CLEC6A: variants seen among roughly 807,000 people sequenced by gnomAD.
CLEC6A encodes the protein C-type lectin domain family 6 member A.
CLEC6A carries 22 observed loss-of-function variants against 25.7 expected under a neutral mutation model. The observed-to-expected ratio is 0.85, with a 90% CI of 0.61 to 1.22. The LOEUF is 1.22. CLEC6A is among the 50% of genes most tolerant of loss of function. The pLI is 0.00. For synonymous variants in CLEC6A, 92 were observed against 76.7 expected, an observed-to-expected ratio of 1.20 and a Z score of -1.04; for missense variants, 240 against 236.8, an observed-to-expected ratio of 1.01 and a Z score of -0.09.
chr12:8,457,706 C>G (rs1453008222), intron 1 of CLEC6A, among the ~76,000 whole-genome samples, 192 bp from the exon 2 acceptor site: 2 of 152,172 alleles, frequency 1.3e-5, no homozygotes, highest in Non-Finnish European at 1.5e-5. Flanking sequence ...GTATGTTTTA[C>G]CTGTATTCTT....
At chr12:8,460,940 G>A (rs1427597985) in intron 3 of CLEC6A, 14 of 874,396 alleles carry the variant, frequency 1.6e-5, no homozygotes, top group South Asian at 1.6e-4. Context: ...CGAGCTGGAT[G>A]CCACTGTGGG....
chr12:8,458,856 A>G (rs1005493519), intron 2 of CLEC6A, among the ~76,000 whole-genome samples: 1 of 152,206 alleles, frequency 6.6e-6, no homozygotes, highest in Non-Finnish European at 1.5e-5. Flanking sequence ...TAGTTATAGA[A>G]GGACAAAAAA....
At chr12:8,471,029 G>A (rs989956442) in intron 4 of CLEC6A, among the ~76,000 whole-genome samples, 4 of 151,984 alleles carry the variant, frequency 2.6e-5, no homozygotes, top group Non-Finnish European at 4.4e-5. Flanking sequence ...TGTCAAATGG[G>A]TTTTATGCAC....
At chr12:8,463,716 G>T (rs1281582009) in intron 3 of CLEC6A, among the ~76,000 whole-genome samples, 1 of 152,118 alleles carries the variant, frequency 6.6e-6, no homozygotes, top group African/African-American at 2.4e-5. Flanking sequence ...CTTTCTCAAA[G>T]GTATACCAAA....
Position 8,466,740 on chromosome 12 carries a change from C to G in CLEC6A, c.369+1111C>G, listed in dbSNP as rs768508919. On this transcript the variant is annotated intron_variant, in intron 4 of 5. Coordinates refer to ENST00000382073, the MANE Select transcript of CLEC6A (RefSeq NM_001007033.2). ...GCGCAATCTCAGCTCACTGCAACAT[C>G]TGCCTCCCGGGTTCAAGCAATTCTC... 7.0e-4 allele frequency among the ~76,000 whole-genome samples: 106 copies of G among 151,708 alleles called. 1 individual carries two copies. The South Asian group carries it at 0.018, about 25-fold the overall frequency.
At chr12:8,470,289 T>C (rs1939887963) in intron 4 of CLEC6A, among the ~76,000 whole-genome samples, 1 of 152,066 alleles carries the variant, frequency 6.6e-6, no homozygotes, top group African/African-American at 2.4e-5. Context: ...ATATAATAGA[T>C]GTTGGTGTAG....
intron 2 of CLEC6A, among the ~76,000 whole-genome samples, chr12:8,458,436 A>T (rs1591705141): frequency 6.6e-6 from 1 of 152,202 alleles, no homozygotes; most frequent in African/African-American, 2.4e-5. Context: ...AATGATGGAG[A>T]TAAAGAGGAT....
At position 8,464,030 on chromosome 12, in the gene CLEC6A, G is replaced by A. The variant is rs1939797377; in HGVS notation, c.224-1454G>A. On this transcript the variant is annotated intron_variant, in intron 3 of 5. Coordinates refer to ENST00000382073, the MANE Select transcript of CLEC6A (RefSeq NM_001007033.2). ...AATCGTATGTTAATACATACTTTGA[G>A]ACATATTAAAGCAATCATTAATAAT... Among the ~76,000 whole-genome samples, 3 of 152,104 alleles carry A rather than the reference G, an allele frequency of 2.0e-5. No homozygotes were observed. In the South Asian group the frequency reaches 6.2e-4, roughly 31 times the overall value.
chr12:8,474,771 T>C (rs1243013044), intron 4 of CLEC6A, among the ~76,000 whole-genome samples: 1 of 152,194 alleles, frequency 6.6e-6, no homozygotes, highest in Non-Finnish European at 1.5e-5. Flanking sequence ...TTTAGAAGCT[T>C]AATTGGAAAG....
intron 1 of CLEC6A, among the ~76,000 whole-genome samples, chr12:8,457,089 G>A (rs1939686749): frequency 6.6e-6 from 1 of 150,896 alleles, no homozygotes; most frequent in African/African-American, 2.4e-5. Flanking sequence ...CAGCCTGGGT[G>A]ACAGAGTGAG....
chr12:8,464,544 G>C (rs1054908618), intron 3 of CLEC6A, among the ~76,000 whole-genome samples: 1 of 152,112 alleles, frequency 6.6e-6, no homozygotes, highest in Non-Finnish European at 1.5e-5. Flanking sequence ...TTGTTAGCCA[G>C]GATGGTCTTG....
At chr12:8,475,677 T>A (rs1008171603) in intron 4 of CLEC6A, among the ~76,000 whole-genome samples, 1 of 152,116 alleles carries the variant, frequency 6.6e-6, no homozygotes, top group South Asian at 2.1e-4. Flanking sequence ...GATTGGCTAA[T>A]GCATACCCAC....
chr12:8,459,922 T>A (rs1939731198), intron 3 of CLEC6A, among the ~76,000 whole-genome samples: 1 of 152,212 alleles, frequency 6.6e-6, no homozygotes, highest in African/African-American at 2.4e-5. Context: ...GTAAATATTA[T>A]AAACCTACAT....
Position 8,457,979 on chromosome 12 carries a change from G to T in CLEC6A, c.113G>T (p.Ser38Ile), listed in dbSNP as rs747802617. 5 of 1,612,014 alleles carry T rather than the reference G, an allele frequency of 3.1e-6. No homozygotes were observed. In the South Asian group the frequency reaches 5.5e-5, roughly 18 times the overall value. The change falls in exon 2 of 6, where the codon AGC becomes ATC. Residue 38 changes from serine (S) to isoleucine (I), a missense_variant. Coordinates refer to ENST00000382073, the MANE Select transcript of CLEC6A (RefSeq NM_001007033.2). Reference protein sequence around the residue: ...IALLSACFIVSCVVTYHFTYG... With the variant: ...IALLSACFIVICVVTYHFTYG... ...CTCCTCAGTGCTTGCTTCATTGTGA[G>T]CTGTGTAGGTAAGTTCTTCACTGAG...
intron 4 of CLEC6A, among the ~76,000 whole-genome samples, chr12:8,471,487 A>G (rs1216804030): frequency 1.3e-5 from 2 of 151,800 alleles, no homozygotes; most frequent in East Asian, 3.9e-4. Context: ...TCAGATTTTT[A>G]TTTCTTTATC....
At chr12:8,457,826 T>A in intron 1 of CLEC6A, 72 bp from the exon 2 acceptor site, 2 of 1,078,166 alleles carry the variant, frequency 1.9e-6, no homozygotes, top group Middle Eastern at 4.4e-4. Flanking sequence ...TTGTTCATTG[T>A]TGTAAGCTTC....
intron 4 of CLEC6A, among the ~76,000 whole-genome samples, chr12:8,471,403 C>G (rs902784672): frequency 3.3e-5 from 5 of 151,986 alleles, no homozygotes; most frequent in African/African-American, 9.7e-5. Context: ...ACCAGTGAAG[C>G]CTTCTGATTC....
At chr12:8,476,848 C>T (rs1939981035) in intron 5 of CLEC6A, among the ~76,000 whole-genome samples, 1 of 151,920 alleles carries the variant, frequency 6.6e-6, no homozygotes, top group South Asian at 2.1e-4. Context: ...AAGTTATGTC[C>T]AACCTCCCAG....
rs949962018 is a variant in CLEC6A, at chr12:8,467,945, CTTT to C, written c.369+2325_369+2327del. Among the ~76,000 whole-genome samples, 152 of 150,350 alleles carry C rather than the reference CTTT, an allele frequency of 1.0e-3. 1 individual carries two copies. The highest frequency in any genetic ancestry group is 7.8e-4 in the East Asian group (4 of 5,156). The stretch of plus-strand genomic sequence containing the variant: ...TTTTGATGCTACTTTATTTATTTTG[CTTT>C]TTTTTTTTCCCCAAGACGGAGTTTT... On this transcript the variant is annotated intron_variant, in intron 4 of 5. Transcript: ENST00000382073.
Sources: allele counts gnomAD v4.1 joint callset (sites outside exome capture counted in the v4.1 genomes callset), GRCh38; gene constraint gnomAD v4.1.1; transcripts MANE v1.5; gene names NCBI Gene and HGNC (gene_info 2026-07-23, HGNC 2026-07-21).